UBE2K: variants seen among roughly 807,000 people sequenced by gnomAD.
UBE2K encodes the protein ubiquitin-conjugating enzyme E2 K.
UBE2K carries 6 observed loss-of-function variants against 30.0 expected under a neutral mutation model. The observed-to-expected ratio is 0.20, with a 90% CI of 0.11 to 0.39. The LOEUF (loss-of-function observed/expected upper bound fraction) is 0.39, where lower values mean the gene tolerates loss of function less well. Ranked by LOEUF, UBE2K falls within the 10% of genes least tolerant of loss-of-function variation. The pLI is 1.00. For synonymous variants in UBE2K, 86 were observed against 83.7 expected (o/e 1.03, Z -0.15); for missense variants, 61 against 241.6 (o/e 0.25, Z 4.96).
intron 1 of UBE2K, among the ~76,000 whole-genome samples, chr4:39,731,851 A>G (rs1720091520): frequency 6.6e-6 from 1 of 152,218 alleles, no homozygotes; most frequent in Non-Finnish European, 1.5e-5. Flanking sequence ...CATGACAATG[A>G]TGAGCAGGGC....
chr4:39,750,064 C>T (rs1721176547), intron 3 of UBE2K, among the ~76,000 whole-genome samples: 1 of 151,852 alleles, frequency 6.6e-6, no homozygotes, highest in Non-Finnish European at 1.5e-5. Flanking sequence ...TGTAGTGGCA[C>T]GTGCCTGTAA....
At chr4:39,737,364 C>T (rs906143767) in intron 1 of UBE2K, 56 bp from the exon 2 acceptor site, 9 of 1,090,444 alleles carry the variant, frequency 8.3e-6, no homozygotes, top group Admixed American at 2.7e-5. Context: ...ATAGGTAATA[C>T]TTTAGGCGTT....
At chr4:39,770,374 G>C in intron 4 of UBE2K, 1 of 1,613,362 alleles carries the variant, frequency 6.2e-7, no homozygotes, top group Non-Finnish European at 8.5e-7. Context: ...TTGCCACAGC[G>C]AGGGCACATG....
chr4:39,752,814 A>T (rs1055852384), intron 3 of UBE2K, among the ~76,000 whole-genome samples: 18 of 151,956 alleles, frequency 1.2e-4, no homozygotes, highest in African/African-American at 4.4e-4. Flanking sequence ...CTCAAAGAAA[A>T]TGCTCGTTGG....
intron 5 of UBE2K, among the ~76,000 whole-genome samples, chr4:39,776,048 C>G (rs1713266716): frequency 6.6e-6 from 1 of 152,136 alleles, no homozygotes; most frequent in South Asian, 2.1e-4. Context: ...TAGGCTTGCC[C>G]TCTCTCCTAA....
intron 1 of UBE2K, among the ~76,000 whole-genome samples, chr4:39,703,246 G>A (rs933565019): frequency 1.3e-5 from 2 of 152,062 alleles, no homozygotes; most frequent in Non-Finnish European, 2.9e-5. Flanking sequence ...ATGGCCAGGT[G>A]GGGTGGCTTA....
intron 1 of UBE2K, among the ~76,000 whole-genome samples, chr4:39,717,887 G>A (rs1247268543): frequency 4.9e-5 from 7 of 144,134 alleles, no homozygotes; most frequent in East Asian, 1.9e-4. Flanking sequence ...TTAAGGCGGC[G>A]CGTCTGGAGT....
intron 4 of UBE2K, among the ~76,000 whole-genome samples, chr4:39,774,385 A>G (rs899370736): frequency 7.9e-5 from 12 of 152,062 alleles, no homozygotes; most frequent in African/African-American, 2.9e-4. Flanking sequence ...AGGCGGGCGG[A>G]TTACGAGGTC....
intron 1 of UBE2K, among the ~76,000 whole-genome samples, chr4:39,705,355 G>A (rs780027202): frequency 2.0e-5 from 3 of 148,778 alleles, no homozygotes; most frequent in Non-Finnish European, 3.0e-5. Context: ...ACCCCACCAC[G>A]CCCAGCTAAT....
chr4:39,775,856 C>T (rs565796992), intron 5 of UBE2K, among the ~76,000 whole-genome samples: 10 of 151,322 alleles, frequency 6.6e-5, no homozygotes, highest in African/African-American at 2.2e-4. Context: ...AAGATATTAC[C>T]CTCTTTTCTT....
intron 4 of UBE2K, among the ~76,000 whole-genome samples, chr4:39,766,035 G>A (rs995701073): frequency 6.6e-6 from 1 of 151,880 alleles, no homozygotes; most frequent in African/African-American, 2.4e-5. Context: ...CTACCTTCTG[G>A]CTATTGTGAA....
intron 4 of UBE2K, among the ~76,000 whole-genome samples, chr4:39,758,061 A>C (rs1446719797): frequency 6.6e-6 from 1 of 152,194 alleles, no homozygotes; most frequent in Non-Finnish European, 1.5e-5. Flanking sequence ...CTATATAACG[A>C]ACATATCAAA....
At chr4:39,761,640 C>T (rs888281937) in intron 4 of UBE2K, among the ~76,000 whole-genome samples, 2 of 151,950 alleles carry the variant, frequency 1.3e-5, no homozygotes, top group Non-Finnish European at 2.9e-5. Flanking sequence ...TCCTGTTTGC[C>T]TGTTAGGATT....
intron 4 of UBE2K, among the ~76,000 whole-genome samples, chr4:39,773,512 G>A (rs889513278): frequency 5.3e-5 from 8 of 152,012 alleles, no homozygotes; most frequent in African/African-American, 1.7e-4. Context: ...TTGTTTCATA[G>A]TATCTTGTTT....
intron 5 of UBE2K, among the ~76,000 whole-genome samples, chr4:39,777,053 T>C (rs984469138): frequency 2.0e-5 from 3 of 152,226 alleles, no homozygotes; most frequent in African/African-American, 7.2e-5. Context: ...TATACTTTGC[T>C]TTACTAAGTA....
At position 39,724,219 on chromosome 4, in the gene UBE2K, A is replaced by G. The variant is rs1441114200; in HGVS notation, c.64-13201A>G. ...AACTCCTGGGCTCAAGTGATCCTCC[A>G]ACCTCAGCCTCCCAAGTAGCTGAGA... On this transcript the variant is annotated intron_variant, in intron 1 of 6. Coordinates refer to ENST00000261427, the MANE Select transcript of UBE2K (RefSeq NM_005339.5). Among the ~76,000 whole-genome samples the G allele has an allele frequency of 2.0e-5, 3 of 149,580 alleles. No homozygotes were observed. In the East Asian group the frequency reaches 6.0e-4, roughly 30 times the overall value.
chr4:39,771,216 C>T, intron 4 of UBE2K: 1 of 1,612,626 alleles, frequency 6.2e-7, no homozygotes, highest in South Asian at 1.1e-5. Flanking sequence ...CACTGTGCAT[C>T]AGGGAGACCT....
intron 1 of UBE2K, chr4:39,714,550 A>ATATATATATATATTT: frequency 5.6e-5 from 1 of 17,844 alleles, no homozygotes; most frequent in African/African-American, 2.5e-4. Flanking sequence ...ATATATATAT[A>ATATATATATATATTT]TTTTTTTTTT....
intron 4 of UBE2K, chr4:39,771,096 G>C: frequency 6.2e-7 from 1 of 1,612,578 alleles, no homozygotes; most frequent in Non-Finnish European, 8.5e-7. Context: ...TCTCCACCAC[G>C]TGCTCCATCT....
Sources: gnomAD v4.1 joint callset for allele counts (sites outside exome capture counted in the v4.1 genomes callset) on GRCh38, gnomAD v4.1.1 for gene constraint, MANE v1.5 for transcripts, NCBI Gene and HGNC (gene_info 2026-07-23, HGNC 2026-07-21) for gene names.